NAALADL2: variants seen among roughly 807,000 people sequenced by gnomAD.
The protein encoded by NAALADL2 is inactive N-acetylated-alpha-linked acidic dipeptidase-like protein 2.
Under a neutral mutation model 87.2 loss-of-function variants are expected in NAALADL2, and 76 were observed. The ratio of observed to expected loss-of-function variants is 0.87; its 90% CI spans 0.72 to 1.05. NAALADL2 has a LOEUF of 1.05. Ranked by LOEUF, NAALADL2 falls within the 50% of genes least tolerant of loss-of-function variation. The pLI, the probability that NAALADL2 is intolerant of heterozygous loss-of-function variation, is 0.00. For synonymous variants in NAALADL2, 354 were observed against 331.0 expected (o/e 1.07, Z -0.75); for missense variants, 1,089 against 945.8 (o/e 1.15, Z -1.99).
At chr3:175,664,328 T>C (rs922089177) in intron 11 of NAALADL2, among the ~76,000 whole-genome samples, 8 of 152,104 alleles carry the variant, frequency 5.3e-5, no homozygotes, top group African/African-American at 1.9e-4. Flanking sequence ...CTGAAATGAG[T>C]TATTTCCTTG....
chr3:175,662,711 G>C (rs1283509158), intron 11 of NAALADL2, among the ~76,000 whole-genome samples: 1 of 151,834 alleles, frequency 6.6e-6, no homozygotes, highest in Non-Finnish European at 1.5e-5. Flanking sequence ...AAATGATGTT[G>C]AATTTTATCA....
intron 13 of NAALADL2, among the ~76,000 whole-genome samples, chr3:175,785,666 A>T (rs1269075298): frequency 7.5e-6 from 1 of 132,974 alleles, no homozygotes; most frequent in Non-Finnish European, 1.6e-5. Context: ...CCAATTTGCC[A>T]GTCTGTGTCT....
chr3:175,320,403 C>A (rs1052284634), intron 4 of NAALADL2, among the ~76,000 whole-genome samples: 1 of 152,098 alleles, frequency 6.6e-6, no homozygotes, highest in Non-Finnish European at 1.5e-5. Context: ...ACGACGGGGG[C>A]AGAACAAGGG....
chr3:174,903,519 T>G (rs1316720923), intron 1 of NAALADL2, among the ~76,000 whole-genome samples: 1 of 152,044 alleles, frequency 6.6e-6, no homozygotes, highest in Non-Finnish European at 1.5e-5. Flanking sequence ...ACTGAGTCAT[T>G]CTAAAGGTTT....
intron 1 of NAALADL2, among the ~76,000 whole-genome samples, chr3:175,076,322 C>CTT (rs57449665): frequency 7.8e-5 from 10 of 127,500 alleles, no homozygotes; most frequent in African/African-American, 2.0e-4. Flanking sequence ...GTATTTCATG[C>CTT]TTTTTTTTTT....
intron 11 of NAALADL2, among the ~76,000 whole-genome samples, chr3:175,697,490 T>TA (rs1434125894): frequency 6.6e-6 from 1 of 151,652 alleles, no homozygotes; most frequent in Non-Finnish European, 1.5e-5. Context: ...GTAGTTGAGT[T>TA]AGAGTTATGG....
chr3:175,605,338 C>A (rs747735901), intron 10 of NAALADL2, among the ~76,000 whole-genome samples: 2 of 149,668 alleles, frequency 1.3e-5, no homozygotes, highest in East Asian at 4.0e-4. Flanking sequence ...GTTTTCTAAG[C>A]TTTTATTTCT....
chr3:174,717,337 A>G (rs1188515130), intron 2 of NAALADL2, among the ~76,000 whole-genome samples: 1 of 152,176 alleles, frequency 6.6e-6, no homozygotes, highest in East Asian at 1.9e-4. Context: ...GTTTTGATGC[A>G]CCAGAGACTT....
chr3:175,532,981 G>A (rs1294416285), intron 9 of NAALADL2, among the ~76,000 whole-genome samples: 1 of 152,156 alleles, frequency 6.6e-6, no homozygotes, highest in Admixed American at 6.5e-5. Context: ...CTAAGCCTTT[G>A]GATCCTTTCC....
intron 3 of NAALADL2, among the ~76,000 whole-genome samples, chr3:174,748,148 C>G (rs1240658532): frequency 6.6e-6 from 1 of 151,876 alleles, no homozygotes; most frequent in African/African-American, 2.4e-5. Flanking sequence ...ACAACACACA[C>G]TTGGGTCTGT....
chr3:175,507,283 C>T (rs1730476634), intron 9 of NAALADL2, among the ~76,000 whole-genome samples: 1 of 152,124 alleles, frequency 6.6e-6, no homozygotes, highest in African/African-American at 2.4e-5. Context: ...ATCCAATTTG[C>T]ACTTTTGTGC....
intron 5 of NAALADL2, among the ~76,000 whole-genome samples, chr3:175,413,949 T>TTGGG (rs1335415718): frequency 6.6e-6 from 1 of 152,116 alleles, no homozygotes; most frequent in Non-Finnish European, 1.5e-5. Context: ...GGCTTGAGAG[T>TTGGG]TGGGGCCTTT....
At chr3:175,464,351 G>A (rs563256445) in intron 7 of NAALADL2, among the ~76,000 whole-genome samples, 2 of 151,550 alleles carry the variant, frequency 1.3e-5, no homozygotes, top group South Asian at 4.2e-4. Context: ...TTGAATCTGG[G>A]AGGCGGAGGT....
intron 1 of NAALADL2, among the ~76,000 whole-genome samples, chr3:174,911,760 G>C (rs909331852): frequency 6.6e-6 from 1 of 152,014 alleles, no homozygotes; most frequent in African/African-American, 2.4e-5. Context: ...TTTTAAACTG[G>C]TAATATCTCA....
At chr3:175,219,846 A>G (rs753881564) in intron 2 of NAALADL2, among the ~76,000 whole-genome samples, 4 of 149,252 alleles carry the variant, frequency 2.7e-5, no homozygotes, top group Admixed American at 6.6e-5. Flanking sequence ...ATTTCTCTCA[A>G]TAATAGTTTG....
intron 11 of NAALADL2, among the ~76,000 whole-genome samples, chr3:175,642,905 G>A (rs1314496431): frequency 6.6e-6 from 1 of 152,064 alleles, no homozygotes; most frequent in Non-Finnish European, 1.5e-5. Context: ...AAGTGATTCA[G>A]GTATATGTTT....
intron 11 of NAALADL2, among the ~76,000 whole-genome samples, chr3:175,662,365 T>G (rs1317143740): frequency 6.6e-6 from 1 of 151,972 alleles, no homozygotes; most frequent in Non-Finnish European, 1.5e-5. Context: ...TTTGCTAAAT[T>G]TATCAGTTCT....
chr3:174,609,066 A>C (rs1370375781), intron 2 of NAALADL2, among the ~76,000 whole-genome samples: 1 of 151,964 alleles, frequency 6.6e-6, no homozygotes, highest in African/African-American at 2.4e-5. Flanking sequence ...CAAAAACCAC[A>C]TGATTTTCTC....
At chr3:174,658,234 A>C (rs1397904540) in intron 2 of NAALADL2, among the ~76,000 whole-genome samples, 2 of 152,104 alleles carry the variant, frequency 1.3e-5, no homozygotes, top group African/African-American at 2.4e-5. Context: ...TTGCGTTCCC[A>C]CCGGCAATGA....
Sources: gnomAD v4.1 joint callset for allele counts (sites outside exome capture counted in the v4.1 genomes callset) on GRCh38, gnomAD v4.1.1 for gene constraint, MANE v1.5 for transcripts, NCBI Gene and HGNC (gene_info 2026-07-23, HGNC 2026-07-21) for gene names.